Variants in TENM3 observed in about 807,000 individuals in gnomAD.
The protein encoded by TENM3 is teneurin-3.
TENM3 carries 63 observed loss-of-function variants against 255.1 expected under a neutral mutation model. The observed-to-expected ratio is 0.25, with a 90% confidence interval of 0.20 to 0.30. The LOEUF is 0.30. TENM3 is among the 10% of genes least tolerant of loss of function. The pLI is 1.00. For synonymous variants in TENM3, 1,306 were observed against 1,322.3 expected (o/e 0.99, Z 0.27); for missense variants, 2,929 against 3,461.1 (o/e 0.85, Z 3.86).
chr4:182,144,696 G>C (rs1397549833), exon 1 of TENM3: 21 of 146,596 alleles, frequency 1.4e-4, no homozygotes, highest in South Asian at 4.2e-4. Flanking sequence ...CGCGCGGCTC[G>C]GGCGGACGCG....
the TENM3 span, among the ~76,000 whole-genome samples, chr4:181,512,041 C>T: frequency 1.3e-5 from 2 of 152,126 alleles, no homozygotes; most frequent in African/African-American, 4.8e-5. Context: ...CACAGTCCTA[C>T]AAAGGCCTGT....
chr4:182,353,838 T>C (rs763450801), intron 3 of TENM3, among the ~76,000 whole-genome samples: 12 of 152,014 alleles, frequency 7.9e-5, no homozygotes, highest in Non-Finnish European at 1.6e-4. Context: ...TGGTGGCAGA[T>C]GCCTGTAATC....
At chr4:182,461,641 T>C (rs993685326) in intron 3 of TENM3, among the ~76,000 whole-genome samples, 2 of 152,152 alleles carry the variant, frequency 1.3e-5, no homozygotes, top group African/African-American at 2.4e-5. Context: ...AGAAACCCAT[T>C]TGGACTCTTC....
At chr4:182,446,766 C>T (rs1265693672) in intron 3 of TENM3, among the ~76,000 whole-genome samples, 2 of 152,092 alleles carry the variant, frequency 1.3e-5, no homozygotes, top group Admixed American at 6.5e-5. Context: ...AGCCTCTTGG[C>T]AAATTTTAAC....
rs747624293 is a variant in TENM3 at position 182,628,903 on chromosome 4, C to T, written c.988+14C>T. Reference sequence around the variant, plus strand: ...CTTATTTTATAGGTAAGAACAAGTTCTTAGAATTACTTTGTCTGTAAATCA... The same window carrying T: ...CTTATTTTATAGGTAAGAACAAGTTTTTAGAATTACTTTGTCTGTAAATCA... On this transcript the variant is annotated intron_variant, in intron 5 of 27. Coordinates refer to ENST00000511685, the MANE Select transcript of TENM3 (RefSeq NM_001080477.4). The T allele has an allele frequency of 2.7e-5, 38 of 1,425,122 alleles. No individual in the cohort carries two copies. The African/African-American group carries it at 4.2e-4, about 16-fold the overall frequency. 88.3% of individuals were successfully genotyped at this position (1,425,122 alleles called of 1,614,324 possible).
chr4:181,703,336 G>A, the TENM3 span, among the ~76,000 whole-genome samples: 1 of 151,994 alleles, frequency 6.6e-6, no homozygotes, highest in Non-Finnish European at 1.5e-5. Context: ...AAGTGCTTGG[G>A]GATTTGAATA....
At chr4:181,684,969 T>C in the TENM3 span, among the ~76,000 whole-genome samples, 1 of 149,522 alleles carries the variant, frequency 6.7e-6, no homozygotes, top group Non-Finnish European at 1.5e-5. Context: ...TCAAGCTATG[T>C]TGTTCAGGCT....
At chr4:181,605,480 G>GAAAGAAAGAAAGAA in the TENM3 span, among the ~76,000 whole-genome samples, 14 of 63,974 alleles carry the variant, frequency 2.2e-4, no homozygotes, top group African/African-American at 9.5e-4. Context: ...GAGAGAAACA[G>GAAAGAAAGAAAGAA]AGAAAGAAAG....
At chr4:181,913,571 C>T in the TENM3 span, among the ~76,000 whole-genome samples, 16 of 151,944 alleles carry the variant, frequency 1.1e-4, no homozygotes, top group Admixed American at 2.0e-4. Flanking sequence ...AGCAAGGGTA[C>T]GAGTCAGAGT....
At chr4:181,711,317 CTG>C in the TENM3 span, among the ~76,000 whole-genome samples, 7,100 of 152,184 alleles carry the variant, frequency 0.047, 305 homozygotes, top group Middle Eastern at 0.11. Flanking sequence ...TTTAAATCCA[CTG>C]TGTGCCTCCA....
At chr4:181,770,871 C>T in the TENM3 span, among the ~76,000 whole-genome samples, 1 of 152,186 alleles carries the variant, frequency 6.6e-6, no homozygotes, top group African/African-American at 2.4e-5. Flanking sequence ...TGCAAACTTA[C>T]TGTGTGCCCC....
rs1370769296 is a variant in TENM3 at position 182,800,209 on chromosome 4, G to A, written c.7958G>A (p.Gly2653Asp). The change falls in exon 28 of 28, where the codon GGC becomes GAC. Residue 2653 changes from glycine (G) to aspartate (D), a missense_variant. Physicochemically the swap from Gly to Asp is moderately conservative, Grantham distance 94. Around this residue, in one of 6 missense-constraint regions of TENM3, gnomAD observed 476 missense variants for 480.1 expected, o/e 0.99. Coordinates refer to ENST00000511685, the MANE Select transcript of TENM3 (RefSeq NM_001080477.4). ...GAGGGCGCGCGCCTCTGGACGGAGG[G>A]CGAGAAGCGGCAGCTGCTGAGCGCC... ...GEEGARLWTE[G>D]EKRQLLSAGK... The A allele has an allele frequency of 1.9e-6, 3 of 1,590,698 alleles. No homozygotes were observed.
chr4:181,972,878 A>G, the TENM3 span, among the ~76,000 whole-genome samples: 1 of 152,306 alleles, frequency 6.6e-6, no homozygotes, highest in East Asian at 1.9e-4. Flanking sequence ...ACACATTGTT[A>G]TACACATTAA....
the TENM3 span, among the ~76,000 whole-genome samples, chr4:181,734,657 G>GA: frequency 6.6e-6 from 1 of 151,942 alleles, no homozygotes; most frequent in East Asian, 1.9e-4. Flanking sequence ...CAAAGCACAG[G>GA]AAAAAAGGAT....
the TENM3 span, among the ~76,000 whole-genome samples, chr4:181,501,190 G>A: frequency 6.6e-6 from 1 of 152,142 alleles, no homozygotes; most frequent in Non-Finnish European, 1.5e-5. Context: ...CTTGCTGGTG[G>A]TGGCGGGTGG....
chr4:182,241,600 G>A (rs28476726), upstream of TENM3, among the ~76,000 whole-genome samples: 3,367 of 135,594 alleles, frequency 0.025, 138 homozygotes, highest in African/African-American at 0.087. Context: ...TGCAACCTCC[G>A]CCTCTCAGGT....
At chr4:182,689,397 A>G (rs1756844507) in intron 12 of TENM3, among the ~76,000 whole-genome samples, 1 of 152,210 alleles carries the variant, frequency 6.6e-6, no homozygotes. Context: ...TTGAAATCAT[A>G]TGTGTCTTAT....
intron 2 of TENM3, among the ~76,000 whole-genome samples, chr4:182,342,110 A>G (rs1230395320): frequency 6.6e-6 from 1 of 152,224 alleles, no homozygotes; most frequent in Non-Finnish European, 1.5e-5. Flanking sequence ...CAGAGTTACC[A>G]TATACCCCAG....
chr4:181,936,190 G>A, the TENM3 span, among the ~76,000 whole-genome samples: 5 of 152,014 alleles, frequency 3.3e-5, no homozygotes, highest in African/African-American at 4.8e-5. Context: ...TCAGGAGTTC[G>A]AGACCAGCCT....
Sources: allele counts gnomAD v4.1 joint callset (sites outside exome capture counted in the v4.1 genomes callset), GRCh38; gene constraint gnomAD v4.1.1; regional missense constraint gnomAD v4.1.1; transcripts MANE v1.5; gene names NCBI Gene and HGNC (gene_info 2026-07-23, HGNC 2026-07-21).